Variants in LANCL1 observed in about 807,000 individuals in gnomAD.
LANCL1 encodes glutathione S-transferase LANCL1.
Under a neutral mutation model 50.6 loss-of-function variants are expected in LANCL1, and 50 were observed. The ratio of observed to expected loss-of-function variants is 0.99; its 90% CI spans 0.79 to 1.25. The LOEUF (loss-of-function observed/expected upper bound fraction) is 1.25, where lower values mean the gene tolerates loss of function less well. LANCL1 is among the 50% of genes most tolerant of loss of function. The probability of loss-of-function intolerance (pLI) is 0.00; values close to 1 mark genes in which losing one functional copy is unlikely to be tolerated. For missense variants in LANCL1, 532 were observed against 480.7 expected (o/e 1.11, Z -1.00); for synonymous variants, 188 against 178.6 (o/e 1.05, Z -0.42).
At chr2:210,448,382 G>A (rs536110771) in intron 4 of LANCL1, among the ~76,000 whole-genome samples, 143 of 152,248 alleles carry the variant, frequency 9.4e-4, no homozygotes, top group Middle Eastern at 6.8e-3. Flanking sequence ...AGCACTAAAT[G>A]CCCACAAGAG....
intron 4 of LANCL1, among the ~76,000 whole-genome samples, chr2:210,454,011 T>G (rs1693587639): frequency 6.6e-6 from 1 of 152,142 alleles, no homozygotes; most frequent in Non-Finnish European, 1.5e-5. Context: ...CCCTAAGAAA[T>G]GTAGCATAGG....
In LANCL1 at chr2:210,437,719, C is replaced by T. The variant is rs778624089; in HGVS notation, c.844G>A (p.Val282Ile). ...LVHWCHGAPG[V>I]IYMLIQAYKV... ...TAGGCCTGGATGAGCATGTAGATTA[C>T]CCCAGGGGCGCCATGGCACCAATGG... The change falls in exon 7 of 10, where the codon GTA becomes ATA. Residue 282 changes from valine (V) to isoleucine (I), a missense_variant. By Grantham distance (29) the Val-to-Ile change is conservative. Transcript: ENST00000450366. 7 of 1,609,744 alleles carry T rather than the reference C, an allele frequency of 4.3e-6. No homozygotes were observed. The Admixed American group carries it at 1.0e-4, about 23-fold the overall frequency.
chr2:210,477,521 TCC>T (rs1042489350), upstream of LANCL1: 36 of 1,304,788 alleles, frequency 2.8e-5, no homozygotes, highest in South Asian at 8.5e-5. Context: ...CCTCACTCTC[TCC>T]TTTTCCTTCT....
intron 4 of LANCL1, chr2:210,442,767 T>G (rs933516182): frequency 6.6e-6 from 1 of 152,198 alleles, no homozygotes; most frequent in African/African-American, 2.4e-5. Flanking sequence ...AACCCAAAAG[T>G]AGGCACAAGT....
chr2:210,463,833 T>C (rs1227221728), intron 3 of LANCL1, among the ~76,000 whole-genome samples: 1 of 152,168 alleles, frequency 6.6e-6, no homozygotes, highest in East Asian at 1.9e-4. Flanking sequence ...CAGGGCATTT[T>C]TACCTCTGCT....
intron 3 of LANCL1, among the ~76,000 whole-genome samples, chr2:210,466,145 A>G (rs1028396860): frequency 6.6e-6 from 1 of 152,136 alleles, no homozygotes; most frequent in Non-Finnish European, 1.5e-5. Context: ...TCTTGCCAGT[A>G]GGGACTGCCT....
At chr2:210,472,519 A>AT (rs2105928998) in intron 2 of LANCL1, among the ~76,000 whole-genome samples, 1 of 152,324 alleles carries the variant, frequency 6.6e-6, no homozygotes, top group South Asian at 2.1e-4. Flanking sequence ...AAAAAAAAGG[A>AT]TTTAAAAAAA....
chr2:210,443,215 C>A (rs184164161), intron 4 of LANCL1, among the ~76,000 whole-genome samples: 46 of 152,262 alleles, frequency 3.0e-4, no homozygotes, highest in Admixed American at 2.0e-3. Flanking sequence ...AAGTAACCAT[C>A]TTTGGTAGTT....
At chr2:210,471,394 T>C in intron 3 of LANCL1, 1 of 355,850 alleles carries the variant, frequency 2.8e-6, no homozygotes, top group Non-Finnish European at 5.5e-6. Context: ...CAATGCACTG[T>C]TTCTTCCTAA....
chr2:210,440,552 T>C lies in LANCL1; in HGVS notation c.690+46A>G, dbSNP rs774517494. Reference sequence around the variant, plus strand: ...CTGTTTTCTCACCCATGATAGTACATGGGTCAGGAAGGACATTTTAAAATT... The same window carrying C: ...CTGTTTTCTCACCCATGATAGTACACGGGTCAGGAAGGACATTTTAAAATT... On this transcript the variant is annotated intron_variant, in intron 6 of 9. Coordinates refer to ENST00000450366, the MANE Select transcript of LANCL1 (RefSeq NM_006055.3). The C allele has an allele frequency of 7.0e-6, 11 of 1,563,780 alleles. No homozygotes were observed. In the South Asian group the frequency reaches 7.2e-5, roughly 10 times the overall value.
At chr2:210,437,926 G>A in intron 6 of LANCL1, 54 bp from the exon 7 acceptor site, 2 of 1,294,902 alleles carry the variant, frequency 1.5e-6, no homozygotes, top group East Asian at 2.5e-5. Flanking sequence ...ACCTTCCTAG[G>A]TCTCAGTATA....
At chr2:210,473,616 C>A (rs1413541568) in intron 2 of LANCL1, among the ~76,000 whole-genome samples, 1 of 152,090 alleles carries the variant, frequency 6.6e-6, no homozygotes, top group East Asian at 1.9e-4. Flanking sequence ...AATCTTAACA[C>A]TGAAAACAGC....
chr2:210,471,605 C>G (rs776408862), intron 3 of LANCL1: 2 of 476,350 alleles, frequency 4.2e-6, no homozygotes, highest in South Asian at 3.1e-5. Flanking sequence ...ATTACCTCCG[C>G]TTCAGGCATT....
intron 3 of LANCL1, chr2:210,471,539 G>A (rs911565763): frequency 1.1e-5 from 5 of 457,924 alleles, no homozygotes; most frequent in East Asian, 6.9e-5. Context: ...TTCCTGTTAC[G>A]GGTTAACTTT....
chr2:210,476,671 A>T lies in LANCL1; in HGVS notation c.-68T>A. 8.2e-7 allele frequency: 1 copy of T among 1,223,620 alleles called. No homozygotes were observed. Among genetic ancestry groups the T allele is most frequent in the Non-Finnish European group, 1.0e-6 (1 of 978,132 alleles). The allele number at this position is 1,223,620 out of a possible 1,614,324, so 75.8% of individuals were successfully genotyped here. A position where few individuals can be genotyped will look rare whatever the true frequency, so the allele number is the denominator to read the frequency against. ...CCCCGTTCCCACGCCCGCGACTTGA[A>T]GCAAGTGCGCCTCCCGCGTCCTGAA... is the stretch of plus-strand genomic sequence containing the variant. On this transcript the variant is annotated 5_prime_UTR_variant, in exon 1 of 10. Transcript: ENST00000450366.
At chr2:210,441,264 A>C (rs1369035971) in intron 5 of LANCL1, 44 bp downstream of exon 5, 3 of 1,588,612 alleles carry the variant, frequency 1.9e-6, no homozygotes, top group Non-Finnish European at 1.7e-6. Context: ...ATAGTAAGTA[A>C]ATGGGATCCT....
At chr2:210,435,893 C>CTT (rs71043994) in intron 8 of LANCL1, among the ~76,000 whole-genome samples, 2,145 of 64,272 alleles carry the variant, frequency 0.033, 44 homozygotes, top group East Asian at 0.042. Flanking sequence ...GGGAGACCTG[C>CTT]TTTTTTTTTT....
At chr2:210,441,587 G>T in intron 4 of LANCL1, 144 bp from the exon 5 acceptor site, 1 of 598,766 alleles carries the variant, frequency 1.7e-6, no homozygotes, top group Non-Finnish European at 2.8e-6. Flanking sequence ...AACAGTCACG[G>T]TTCACAGATT....
chr2:210,435,058 A>C (rs1268435531), intron 9 of LANCL1, among the ~76,000 whole-genome samples: 1 of 152,092 alleles, frequency 6.6e-6, no homozygotes, highest in African/African-American at 2.4e-5. Flanking sequence ...GCCATTTACC[A>C]AACATAAGCT....
Sources: allele counts gnomAD v4.1 joint callset (sites outside exome capture counted in the v4.1 genomes callset), GRCh38; gene constraint gnomAD v4.1.1; transcripts MANE v1.5; gene names NCBI Gene and HGNC (gene_info 2026-07-23, HGNC 2026-07-21).